Variants in KANK1 observed in about 807,000 individuals in gnomAD.
The protein encoded by KANK1 is KN motif and ankyrin repeat domains 1.
KANK1 carries 109 observed loss-of-function variants against 106.2 expected under a neutral mutation model. The observed-to-expected ratio is 1.03, with a 90% confidence interval of 0.88 to 1.20. The LOEUF is 1.20. Among genes scored for constraint, KANK1 ranks in the 50% most tolerant of loss-of-function variants. The probability of loss-of-function intolerance (pLI) is 0.00; values close to 1 mark genes in which losing one functional copy is unlikely to be tolerated. For synonymous variants in KANK1, 873 were observed against 652.2 expected (o/e 1.34, Z -5.16); for missense variants, 2,399 against 1,710.7 (o/e 1.40, Z -7.10).
intron 2 of KANK1, among the ~76,000 whole-genome samples, chr9:691,770 C>T (rs953063203): frequency 4.3e-5 from 6 of 139,598 alleles, no homozygotes; most frequent in Admixed American, 3.8e-4. Flanking sequence ...CAAGCCAGCA[C>T]ACCTAGCTAA....
chr9:530,771 T>C (rs191466699), intron 1 of KANK1, among the ~76,000 whole-genome samples: 30 of 152,286 alleles, frequency 2.0e-4, no homozygotes, highest in Admixed American at 5.9e-4. Context: ...GGTGGAGTGC[T>C]TGAGCCCAGG....
chr9:507,898 C>G (rs1223000060), intron 1 of KANK1, among the ~76,000 whole-genome samples: 1 of 151,842 alleles, frequency 6.6e-6, no homozygotes, highest in African/African-American at 2.4e-5. Context: ...GTTGGTCAGG[C>G]TGGTCTCCAA....
intron 3 of KANK1, among the ~76,000 whole-genome samples, chr9:491,496 T>G (rs1006937783): frequency 2.6e-5 from 4 of 151,660 alleles, no homozygotes; most frequent in Non-Finnish European, 5.9e-5. Context: ...CTCAATGTCT[T>G]GACCTCGTGA....
chr9:739,252 G>C (rs567236970), intron 8 of KANK1, among the ~76,000 whole-genome samples: 1 of 152,128 alleles, frequency 6.6e-6, no homozygotes, highest in Non-Finnish European at 1.5e-5. Flanking sequence ...TTTAATTTTT[G>C]TAATACATAT....
chr9:482,861 T>C (rs2058229841), intron 3 of KANK1, among the ~76,000 whole-genome samples: 1 of 152,230 alleles, frequency 6.6e-6, no homozygotes, highest in Non-Finnish European at 1.5e-5. Context: ...AATTCATAAA[T>C]TTCAAGTTGT....
intron 1 of KANK1, among the ~76,000 whole-genome samples, chr9:516,522 C>T (rs1203047198): frequency 7.9e-5 from 12 of 151,518 alleles, no homozygotes; most frequent in African/African-American, 2.9e-4. Context: ...GATGTTCTTT[C>T]TGGTGGGTCT....
chr9:687,752 C>T (rs1040976111), intron 2 of KANK1, among the ~76,000 whole-genome samples: 5 of 152,196 alleles, frequency 3.3e-5, no homozygotes, highest in African/African-American at 4.8e-5. Flanking sequence ...ATGGGAGTTC[C>T]TCTCTTCCTC....
At chr9:493,769 A>T (rs553636716) in intron 3 of KANK1, among the ~76,000 whole-genome samples, 27 of 151,162 alleles carry the variant, frequency 1.8e-4, no homozygotes, top group Admixed American at 1.4e-3. Flanking sequence ...CTGGTCTTGA[A>T]CTCCTGACCT....
At chr9:730,320 T>C (rs753128493) in intron 4 of KANK1, 72 bp downstream of exon 4, 5 of 1,389,186 alleles carry the variant, frequency 3.6e-6, no homozygotes, top group East Asian at 2.3e-5. Flanking sequence ...CAATTTAATG[T>C]CAATGTACCT....
chr9:490,931 A>C, intron 3 of KANK1, among the ~76,000 whole-genome samples: 1 of 150,212 alleles, frequency 6.7e-6, no homozygotes, highest in Middle Eastern at 3.2e-3. Context: ...GAGAACAAAG[A>C]TGAGACTATG....
intron 7 of KANK1, 101 bp from the exon 8 acceptor site, chr9:738,184 A>G (rs150561597): frequency 5.4e-6 from 5 of 931,962 alleles, no homozygotes; most frequent in Non-Finnish European, 8.2e-6. Context: ...CTAACTGCAT[A>G]TATATACTTT....
At chr9:706,403 TGTG>T (rs1292636620) in intron 2 of KANK1, among the ~76,000 whole-genome samples, 2 of 152,208 alleles carry the variant, frequency 1.3e-5, no homozygotes, top group Non-Finnish European at 2.9e-5. Flanking sequence ...TAAGTTTTGT[TGTG>T]TTTTAAATAC....
chr9:624,592 C>G (rs913484160), intron 1 of KANK1, among the ~76,000 whole-genome samples: 1 of 152,016 alleles, frequency 6.6e-6, no homozygotes, highest in African/African-American at 2.4e-5. Flanking sequence ...CACTTGAGAT[C>G]AGGAGTTTGA....
At chr9:590,866 A>G (rs1588077104) in intron 1 of KANK1, among the ~76,000 whole-genome samples, 1 of 151,860 alleles carries the variant, frequency 6.6e-6, no homozygotes, top group African/African-American at 2.4e-5. Flanking sequence ...GCTGCTCTGA[A>G]TTATTTTCTT....
intron 9 of KANK1, among the ~76,000 whole-genome samples, chr9:741,487 C>CTTTTTT (rs71314737): frequency 9.1e-6 from 1 of 109,540 alleles, no homozygotes; most frequent in Non-Finnish European, 1.9e-5. Flanking sequence ...CCACACCTGG[C>CTTTTTT]TTTTTTTTTT....
Position 599,009 on chromosome 9 carries a change from T to TTAG in KANK1, c.-83-77879_-83-77878insGTA, listed in dbSNP as rs1354304886. ...AATTTACTTTATGAATGATTTGTATTTATTATTATTATTTTTTTTTTTTTT... is the reference window on the plus strand; with the variant it reads ...AATTTACTTTATGAATGATTTGTATTTAGTATTATTATTATTTTTTTTTTTTTT... On this transcript the variant is annotated intron_variant, in intron 1 of 11. Transcript: ENST00000382297. Among the ~76,000 whole-genome samples, 5 of 142,492 alleles carry TTAG rather than the reference T, an allele frequency of 3.5e-5. No homozygotes were observed. In the East Asian group the frequency reaches 7.9e-4, roughly 23 times the overall value. The allele number at this position is 142,492 out of a possible 152,430, so 93.5% of individuals were successfully genotyped here. A position where few individuals can be genotyped will look rare whatever the true frequency, so the allele number is the denominator to read the frequency against.
chr9:544,137 C>T (rs186629353), intron 1 of KANK1, among the ~76,000 whole-genome samples: 4 of 152,032 alleles, frequency 2.6e-5, no homozygotes, highest in African/African-American at 9.6e-5. Context: ...CTTCCCACCT[C>T]AGCCTCCTGA....
At chr9:598,413 T>C (rs78501924) in intron 1 of KANK1, among the ~76,000 whole-genome samples, 4,109 of 151,474 alleles carry the variant, frequency 0.027, 282 homozygotes, top group African/African-American at 0.094. Flanking sequence ...GTTGGAGTTT[T>C]GATAAGGAGT....
chr9:686,524 G>A (rs1370058263), intron 2 of KANK1, among the ~76,000 whole-genome samples: 3 of 152,158 alleles, frequency 2.0e-5, no homozygotes, highest in Admixed American at 6.5e-5. Context: ...CTGTACACTG[G>A]TCGGGGAGGG....
Sources: allele counts gnomAD v4.1 joint callset (sites outside exome capture counted in the v4.1 genomes callset), GRCh38; gene constraint gnomAD v4.1.1; transcripts MANE v1.5; gene names NCBI Gene and HGNC (gene_info 2026-07-23, HGNC 2026-07-21).